The following CENPP variants were observed in gnomAD, a reference collection of about 807,000 sequenced individuals.
CENPP encodes centromere protein P.
Under a neutral mutation model 35.6 loss-of-function variants are expected in CENPP, and 24 were observed. The observed-to-expected ratio is 0.67, with a 90% CI of 0.49 to 0.95. CENPP has a LOEUF of 0.95. CENPP is among the 40% of genes least tolerant of loss of function. CENPP has a pLI of 0.00. For missense variants in CENPP, 332 were observed against 345.3 expected, an observed-to-expected ratio of 0.96 and a Z score of 0.31; for synonymous variants, 120 against 125.5, an observed-to-expected ratio of 0.96 and a Z score of 0.29.
In CENPP at chr9:92,511,799, G is replaced by A. The variant is rs192685255; in HGVS notation, c.565-99515G>A. Among the ~76,000 whole-genome samples the A allele has an allele frequency of 1.1e-4, 16 of 152,200 alleles. 1 individual carries two copies. The East Asian group carries it at 3.1e-3, about 29-fold the overall frequency. ...TACTTTTGTCACTGATGCTATTGTT[G>A]GTGTCCTTACAGCAAAGCTAAAAGT... On this transcript the variant is annotated intron_variant, in intron 5 of 7. Coordinates refer to ENST00000375587, the MANE Select transcript of CENPP (RefSeq NM_001012267.3).
At chr9:92,415,309 C>T in intron 5 of CENPP, 1 of 1,613,650 alleles carries the variant, frequency 6.2e-7, no homozygotes, top group Non-Finnish European at 8.5e-7. Flanking sequence ...TATTGTTTGA[C>T]CATTAGTGCT....
chr9:92,456,123 A>T (rs1223897080), intron 5 of CENPP: 3 of 152,170 alleles, frequency 2.0e-5, no homozygotes, highest in Admixed American at 6.5e-5. Flanking sequence ...TGCTCTAAAC[A>T]TGTTATATAT....
chr9:92,570,398 T>G (rs1850104390), intron 5 of CENPP, among the ~76,000 whole-genome samples: 1 of 152,234 alleles, frequency 6.6e-6, no homozygotes, highest in Non-Finnish European at 1.5e-5. Context: ...TTGCATATGT[T>G]GAACCAGCCT....
At chr9:92,606,964 A>AAAT (rs1851099097) in intron 5 of CENPP, among the ~76,000 whole-genome samples, 2 of 152,314 alleles carry the variant, frequency 1.3e-5, no homozygotes, top group East Asian at 1.9e-4. Flanking sequence ...CTCTGTCTCA[A>AAAT]AATAATAACA....
intron 5 of CENPP, chr9:92,459,626 T>A: frequency 6.2e-7 from 1 of 1,611,652 alleles, no homozygotes; most frequent in Non-Finnish European, 8.5e-7. Context: ...AAGTAGAATG[T>A]TTTACCTGGA....
chr9:92,555,987 T>C (rs1028293760), intron 5 of CENPP, among the ~76,000 whole-genome samples: 1 of 152,160 alleles, frequency 6.6e-6, no homozygotes, highest in Non-Finnish European at 1.5e-5. Flanking sequence ...TGACCTTAGA[T>C]TGTCTGTGCT....
intron 4 of CENPP, among the ~76,000 whole-genome samples, chr9:92,365,441 C>T (rs1367746994): frequency 1.6e-5 from 2 of 127,058 alleles, no homozygotes; most frequent in African/African-American, 6.2e-5. Context: ...GACAGAGTCT[C>T]GTGCTCTCAC....
chr9:92,360,709 A>AT (rs1218662601), intron 4 of CENPP, among the ~76,000 whole-genome samples: 3 of 151,646 alleles, frequency 2.0e-5, no homozygotes, highest in Non-Finnish European at 4.4e-5. Context: ...TTATTTATTT[A>AT]TTATTATTAT....
intron 4 of CENPP, among the ~76,000 whole-genome samples, chr9:92,361,422 T>C (rs1056804629): frequency 8.6e-5 from 13 of 151,258 alleles, no homozygotes; most frequent in African/African-American, 2.7e-4. Context: ...ATTACAGGCA[T>C]GAGCCACCGT....
intron 5 of CENPP, among the ~76,000 whole-genome samples, chr9:92,608,906 A>T (rs1290332705): frequency 6.6e-6 from 1 of 152,234 alleles, no homozygotes; most frequent in East Asian, 1.9e-4. Flanking sequence ...GAGCTGCTCC[A>T]TCTGCTCCCT....
intron 4 of CENPP, among the ~76,000 whole-genome samples, chr9:92,354,357 G>A (rs948267291): frequency 3.3e-5 from 5 of 152,302 alleles, no homozygotes; most frequent in East Asian, 1.9e-4. Flanking sequence ...TGGCAAATTG[G>A]CCTTGTCAGA....
At position 92,619,089 on chromosome 9, in the gene CENPP, G is replaced by A. The variant is rs1311091015; in HGVS notation, c.*5940G>A. ...TTTCAAATGACTGTGGTGGTAAAAA[G>A]GCAGGTGCGCCATGCTGCCACTGTG... On this transcript the variant is annotated 3_prime_UTR_variant, in exon 8 of 8. Coordinates refer to ENST00000375587, the MANE Select transcript of CENPP (RefSeq NM_001012267.3). 4.5e-6 allele frequency: 1 copy of A among 224,692 alleles called. No individual in the cohort carries two copies. The highest frequency in any genetic ancestry group is 8.9e-6 in the Non-Finnish European group (1 of 111,854). 13.9% of individuals were successfully genotyped at this position (224,692 alleles called of 1,614,324 possible).
chr9:92,474,742 C>CTCCTCA (rs1491116407), intron 5 of CENPP: 139 of 1,534,628 alleles, frequency 9.1e-5, no homozygotes, highest in Middle Eastern at 1.7e-4. Flanking sequence ...GAGAGTTGTC[C>CTCCTCA]TCATCATCAT....
intron 5 of CENPP, chr9:92,474,954 A>G: frequency 6.6e-7 from 1 of 1,508,602 alleles, no homozygotes. Flanking sequence ...TATTAAATTT[A>G]AATGGATATA....
At chr9:92,459,610 G>T in intron 5 of CENPP, 1 of 1,608,554 alleles carries the variant, frequency 6.2e-7, no homozygotes, top group South Asian at 1.1e-5. Context: ...AATATCTACT[G>T]AACACAAGTA....
intron 5 of CENPP, chr9:92,494,015 T>G (rs563623557): frequency 1.9e-5 from 29 of 1,521,888 alleles, no homozygotes; most frequent in Non-Finnish European, 2.6e-5. Flanking sequence ...CGTCGCATTG[T>G]CACCCATTTT....
chr9:92,331,025 A>G (rs528333995), intron 1 of CENPP, among the ~76,000 whole-genome samples: 10 of 151,854 alleles, frequency 6.6e-5, no homozygotes, highest in Non-Finnish European at 1.5e-4. Context: ...AGGAAAATAT[A>G]TTTATATGTT....
At position 92,379,807 on chromosome 9, in the gene CENPP, A is replaced by AT. The variant is rs750494120; in HGVS notation, c.519dup (p.Val174CysfsTer5). On this transcript the variant is annotated frameshift_variant, in exon 5 of 8. Transcript: ENST00000375587. LOFTEE classifies it high-confidence loss of function. ...CTGTTCATGTTTTTCCGAAGCCTGC[A>AT]TTTTTTTGTGGAGTGGTTTGAATAT... 6.2e-7 allele frequency: 1 copy of AT among 1,613,644 alleles called. No individual in the cohort carries two copies. The highest frequency in any genetic ancestry group is 1.1e-5 in the South Asian group (1 of 91,076).
intron 5 of CENPP, among the ~76,000 whole-genome samples, chr9:92,451,436 G>A (rs1488493815): frequency 4.6e-4 from 68 of 147,988 alleles, no homozygotes; most frequent in South Asian, 8.5e-4. Flanking sequence ...TGAGGGCTCT[G>A]TTCTGTTCCA....
Sources: gnomAD v4.1 joint callset for allele counts (sites outside exome capture counted in the v4.1 genomes callset) on GRCh38, gnomAD v4.1.1 for gene constraint, MANE v1.5 for transcripts, NCBI Gene and HGNC (gene_info 2026-07-23, HGNC 2026-07-21) for gene names.